The following RIC8B variants were observed in gnomAD, a reference collection of about 807,000 sequenced individuals.
RIC8B encodes chaperone Ric-8B.
A neutral mutation model predicts 57.5 loss-of-function variants in RIC8B; 16 were observed. That is an observed-to-expected ratio of 0.28 (90% CI 0.19 to 0.42). The LOEUF is 0.42. Among genes scored for constraint, RIC8B ranks in the 10% least tolerant of loss-of-function variants. The pLI, the probability that RIC8B is intolerant of heterozygous loss-of-function variation, is 1.00. For missense variants in RIC8B, 481 were observed against 677.0 expected (o/e 0.71, Z 3.21); for synonymous variants, 216 against 250.8 (o/e 0.86, Z 1.31).
In RIC8B at chr12:106,832,560, C is replaced by A. The variant is rs531642203; in HGVS notation, c.836+6740C>A. ...CCAGCCTGGGAGACAGAGCAAGACT[C>A]TGTATGAAAAAAAAAAAAAAATTTA... On this transcript the variant is annotated intron_variant, in intron 4 of 9. Coordinates refer to ENST00000392837, the MANE Select transcript of RIC8B (RefSeq NM_001330145.2). 3.5e-4 allele frequency among the ~76,000 whole-genome samples: 46 copies of A among 129,634 alleles called. No homozygotes were observed. The South Asian group carries it at 8.1e-3, about 23-fold the overall frequency. The allele number at this position is 129,634 out of a possible 152,430, so 85.0% of individuals were successfully genotyped here.
chr12:106,854,056 T>C (rs1357787371), intron 7 of RIC8B, among the ~76,000 whole-genome samples: 1 of 152,086 alleles, frequency 6.6e-6, no homozygotes, highest in Admixed American at 6.5e-5. Flanking sequence ...AATTGGCTGG[T>C]GTAGGGAGAC....
chr12:106,820,088 T>G (rs1400462518), intron 3 of RIC8B, among the ~76,000 whole-genome samples: 2 of 152,222 alleles, frequency 1.3e-5, no homozygotes, highest in Non-Finnish European at 2.9e-5. Context: ...CTTTTTAAAA[T>G]CTTTGCCTGT....
chr12:106,849,656 G>C (rs1412623652), intron 6 of RIC8B, among the ~76,000 whole-genome samples: 1 of 151,976 alleles, frequency 6.6e-6, no homozygotes, highest in African/African-American at 2.4e-5. Context: ...AAAAGCCCTA[G>C]TTAACAGGAT....
At chr12:106,780,581 TG>T (rs760212203) in intron 1 of RIC8B, among the ~76,000 whole-genome samples, 1 of 152,248 alleles carries the variant, frequency 6.6e-6, no homozygotes, top group Non-Finnish European at 1.5e-5. Context: ...TTTCACTCTG[TG>T]GGTTCTTGCA....
At chr12:106,880,335 T>C (rs753615211) in intron 9 of RIC8B, among the ~76,000 whole-genome samples, 3 of 152,232 alleles carry the variant, frequency 2.0e-5, no homozygotes, top group Non-Finnish European at 4.4e-5. Flanking sequence ...TTGAGTATCT[T>C]TAAAAACCTA....
intron 1 of RIC8B, among the ~76,000 whole-genome samples, chr12:106,778,769 A>G (rs1046669847): frequency 1.3e-5 from 2 of 152,104 alleles, no homozygotes; most frequent in African/African-American, 4.8e-5. Context: ...CTTTTTCAGG[A>G]GTGGTATACT....
chr12:106,781,768 A>G (rs2043773927), intron 1 of RIC8B, among the ~76,000 whole-genome samples: 1 of 152,228 alleles, frequency 6.6e-6, no homozygotes, highest in African/African-American at 2.4e-5. Flanking sequence ...ACGTTATATT[A>G]ACAAGTAGGT....
At chr12:106,832,582 T>A (rs568411205) in intron 4 of RIC8B, among the ~76,000 whole-genome samples, 276 of 143,226 alleles carry the variant, frequency 1.9e-3, no homozygotes, top group African/African-American at 5.8e-3. Context: ...AAAAAAAAAA[T>A]TTATGCTTAA....
intron 2 of RIC8B, among the ~76,000 whole-genome samples, chr12:106,804,712 GAAGAA>G (rs955106119): frequency 6.6e-6 from 1 of 152,204 alleles, no homozygotes; most frequent in African/African-American, 2.4e-5. Flanking sequence ...TGTGCATGTG[GAAGAA>G]GAGAAATATG....
intron 2 of RIC8B, among the ~76,000 whole-genome samples, chr12:106,800,266 C>A (rs2044671235): frequency 3.3e-5 from 5 of 152,164 alleles, no homozygotes; most frequent in Admixed American, 3.3e-4. Context: ...GGAAGCAAGG[C>A]AGCATCTTTC....
At position 106,782,489 on chromosome 12, in the gene RIC8B, C is replaced by T. The variant is rs776326652; in HGVS notation, c.85-1508C>T. Among the ~76,000 whole-genome samples, 7 of 152,170 alleles carry T rather than the reference C, an allele frequency of 4.6e-5. No individual in the cohort carries two copies. In the South Asian group the frequency reaches 6.2e-4, roughly 14 times the overall value. The stretch of plus-strand genomic sequence containing the variant: ...TCCTTTAATCTGGCCTGTGAGCTAC[C>T]GCCCAAAATGTTCTACCAGAATGCT... On this transcript the variant is annotated intron_variant, in intron 1 of 9. Coordinates refer to ENST00000392837, the MANE Select transcript of RIC8B (RefSeq NM_001330145.2).
At chr12:106,881,074 T>C (rs1395757567) in intron 9 of RIC8B, among the ~76,000 whole-genome samples, 1 of 152,202 alleles carries the variant, frequency 6.6e-6, no homozygotes, top group Non-Finnish European at 1.5e-5. Context: ...GGATCTGCTA[T>C]CTGCAAGGCA....
At chr12:106,838,790 G>T (rs1258887799) in intron 4 of RIC8B, among the ~76,000 whole-genome samples, 1 of 151,458 alleles carries the variant, frequency 6.6e-6, no homozygotes, top group Non-Finnish European at 1.5e-5. Context: ...ACCTCAAGAG[G>T]TTAATATCTA....
At chr12:106,827,552 G>C (rs1214392433) in intron 4 of RIC8B, among the ~76,000 whole-genome samples, 1 of 152,084 alleles carries the variant, frequency 6.6e-6, no homozygotes, top group African/African-American at 2.4e-5. Context: ...ATATTGTACT[G>C]AATTTGCTGG....
chr12:106,841,320 G>T (rs938363015), intron 4 of RIC8B, among the ~76,000 whole-genome samples: 1 of 151,912 alleles, frequency 6.6e-6, no homozygotes, highest in African/African-American at 2.4e-5. Context: ...TTTCTGTTCT[G>T]CATTGTCTAA....
At chr12:106,796,634 G>C (rs902350021) in intron 2 of RIC8B, among the ~76,000 whole-genome samples, 1 of 152,180 alleles carries the variant, frequency 6.6e-6, no homozygotes, top group Non-Finnish European at 1.5e-5. Flanking sequence ...GGATTTGCCA[G>C]TGGATTCTTA....
rs546423723 is a variant in RIC8B at position 106,774,712 on chromosome 12, G to A, written c.-34G>A. 4.6e-6 allele frequency: 7 copies of A among 1,522,682 alleles called. No individual in the cohort carries two copies. Among genetic ancestry groups the A allele is most frequent in the Non-Finnish European group, 5.3e-6 (6 of 1,128,674 alleles). The allele number at this position is 1,522,682 out of a possible 1,614,324, so 94.3% of individuals were successfully genotyped here. On this transcript the variant is annotated 5_prime_UTR_variant, in exon 1 of 10. Transcript: ENST00000392837. ...TACCTGGAGGCAGCGGCTTGGGCGC[G>A]CAGAGCGGCCGCGGCTCCCCCGCAC...
At chr12:106,843,485 G>A (rs1456091739) in intron 5 of RIC8B, among the ~76,000 whole-genome samples, 1 of 152,086 alleles carries the variant, frequency 6.6e-6, no homozygotes, top group Non-Finnish European at 1.5e-5. Flanking sequence ...AACATAAGAT[G>A]TCCCCACCTC....
At position 106,815,082 on chromosome 12, in the gene RIC8B, T is replaced by A; in HGVS notation, c.519T>A (p.Leu173=). The change falls in exon 3 of 10, where the codon CTT becomes CTA. Residue 173 remains leucine (L), a synonymous_variant. Coordinates refer to ENST00000392837, the MANE Select transcript of RIC8B (RefSeq NM_001330145.2). ...TGCGCTTGCTCTTCCTTCTGTCACT[T>A]TTGCACACCGACATCAGGTCACAAT... ...FDLRLLFLLS[L]LHTDIRSQLR... 6.2e-7 allele frequency: 1 copy of A among 1,614,210 alleles called. No homozygotes were observed. The highest frequency in any genetic ancestry group is 2.2e-5 in the East Asian group (1 of 44,884).
Sources: gnomAD v4.1 joint callset for allele counts (sites outside exome capture counted in the v4.1 genomes callset) on GRCh38, gnomAD v4.1.1 for gene constraint, MANE v1.5 for transcripts, NCBI Gene and HGNC (gene_info 2026-07-23, HGNC 2026-07-21) for gene names.